ARFGEF1: variants seen among roughly 807,000 people sequenced by gnomAD.
ARFGEF1 encodes ARF guanine nucleotide exchange factor 1, also known as brefeldin A-inhibited guanine nucleotide-exchange protein 1.
In ARFGEF1, 42 loss-of-function variants were observed where a neutral mutation model predicts 231.0. That is an observed-to-expected ratio of 0.18 (90% CI 0.14 to 0.24). ARFGEF1 has a LOEUF of 0.24. Ranked by LOEUF, ARFGEF1 falls within the 10% of genes least tolerant of loss-of-function variation. The probability of loss-of-function intolerance (pLI) is 1.00; values close to 1 mark genes in which losing one functional copy is unlikely to be tolerated. For synonymous variants in ARFGEF1, 710 were observed against 732.3 expected (o/e 0.97, Z 0.49); for missense variants, 1,345 against 2,192.0 (o/e 0.61, Z 7.72).
At chr8:67,236,961 C>T (rs1418929267) in intron 22 of ARFGEF1, among the ~76,000 whole-genome samples, 2 of 152,150 alleles carry the variant, frequency 1.3e-5, no homozygotes, top group African/African-American at 4.8e-5. Flanking sequence ...TCTCGTTTGA[C>T]TAAAACTTCT....
intron 5 of ARFGEF1, among the ~76,000 whole-genome samples, chr8:67,192,319 C>T (rs1224799360): frequency 1.3e-5 from 2 of 152,208 alleles, no homozygotes; most frequent in Admixed American, 1.3e-4. Flanking sequence ...GGGTGATCCA[C>T]CTGCCTCGGC....
intron 29 of ARFGEF1, among the ~76,000 whole-genome samples, chr8:67,221,940 A>C (rs1251158592): frequency 6.6e-6 from 1 of 150,968 alleles, no homozygotes; most frequent in Non-Finnish European, 1.5e-5. Flanking sequence ...CAGCCTCCCA[A>C]GTAGCTGGGA....
Position 67,197,890 on chromosome 8 carries a change from G to A in ARFGEF1, c.*1044C>T. 1 of 985,836 alleles carries A rather than the reference G, an allele frequency of 1.0e-6. No homozygotes were observed. The highest frequency in any genetic ancestry group is 1.2e-6 in the Non-Finnish European group (1 of 829,926). 61.1% of individuals were successfully genotyped at this position (985,836 alleles called of 1,614,324 possible). The stretch of plus-strand genomic sequence containing the variant: ...ACCATCAGAGCACAATTCACAGTAT[G>A]AATACATTTCCAGTAAATCTAACCT... On this transcript the variant is annotated 3_prime_UTR_variant, in exon 39 of 39. Transcript: ENST00000262215.
chr8:67,253,593 G>A lies in ARFGEF1; in HGVS notation c.2556C>T (p.Tyr852=), dbSNP rs566607177. ...QVKNKMTKEQ[Y]IKMNRGINDS... Reference sequence around the variant, plus strand: ...CATTGATACCTCTATTCATCTTAATGTATTGTTCCTTTGTCATTTTATTTT... The same window carrying A: ...CATTGATACCTCTATTCATCTTAATATATTGTTCCTTTGTCATTTTATTTT... The change falls in exon 18 of 39, where the codon TAC becomes TAT. Residue 852 remains tyrosine (Y), a synonymous_variant. Transcript: ENST00000262215. 3 of 1,533,398 alleles carry A rather than the reference G, an allele frequency of 2.0e-6. No individual in the cohort carries two copies. The highest frequency in any genetic ancestry group is 2.3e-5 in the East Asian group (1 of 43,260). The allele number at this position is 1,533,398 out of a possible 1,614,324, so 95.0% of individuals were successfully genotyped here. A position where few individuals can be genotyped will look rare whatever the true frequency, so the allele number is the denominator to read the frequency against.
At chr8:67,211,990 G>A (rs1407020084) in intron 33 of ARFGEF1, among the ~76,000 whole-genome samples, 2 of 152,206 alleles carry the variant, frequency 1.3e-5, no homozygotes, top group Admixed American at 6.5e-5. Flanking sequence ...AAAGGTCAAT[G>A]TGAAGGTGAC....
intron 23 of ARFGEF1, among the ~76,000 whole-genome samples, chr8:67,228,893 G>A (rs1367959228): frequency 7.9e-5 from 12 of 151,952 alleles, no homozygotes; most frequent in Non-Finnish European, 1.5e-5. Context: ...AAACACATTA[G>A]TCCTCCTTTT....
In ARFGEF1 at chr8:67,267,365, C is replaced by G; in HGVS notation, c.1650G>C (p.Gln550His). 6.2e-7 allele frequency: 1 copy of G among 1,610,876 alleles called. No individual in the cohort carries two copies. Among genetic ancestry groups the G allele is most frequent in the African/African-American group, 1.3e-5 (1 of 74,912 alleles). ...SSFDHKWMVIQTLTRICADAQ... is the reference protein window; with the variant it reads ...SSFDHKWMVIHTLTRICADAQ... ...TACCTGCACAAATCCTCGTCAGTGT[C>G]TGAATAACCATCCATTTGTGATCAA... The change falls in exon 11 of 39, where the codon CAG (glutamine) becomes CAC (histidine). Residue 550 changes from glutamine (Q) to histidine (H), a missense_variant. Transcript: ENST00000262215.
At position 67,343,307 on chromosome 8, in the gene ARFGEF1, G is replaced by C; in HGVS notation, c.-20C>G. The C allele has an allele frequency of 6.2e-7, 1 of 1,611,122 alleles. No homozygotes were observed. The highest frequency in any genetic ancestry group is 2.2e-5 in the East Asian group (1 of 44,800). On this transcript the variant is annotated 5_prime_UTR_variant, in exon 1 of 39. Coordinates refer to ENST00000262215, the MANE Select transcript of ARFGEF1 (RefSeq NM_006421.5). ...ATACATGGACGCAGAGAAGGAGGCG[G>C]CGGCTCGTCCGACCCGCGGCTCCCA...
At chr8:67,238,963 A>C in intron 20 of ARFGEF1, 70 bp from the exon 21 acceptor site, 5 of 1,165,722 alleles carry the variant, frequency 4.3e-6, no homozygotes, top group Middle Eastern at 2.1e-4. Flanking sequence ...CCACCAACAA[A>C]CTCTGTTTAC....
intron 17 of ARFGEF1, among the ~76,000 whole-genome samples, chr8:67,254,976 CAAAAT>C (rs894989310): frequency 2.0e-5 from 3 of 150,662 alleles, no homozygotes; most frequent in South Asian, 4.2e-4. Flanking sequence ...CCAGGAATAA[CAAAAT>C]AAAAGACTAC....
intron 14 of ARFGEF1, among the ~76,000 whole-genome samples, chr8:67,263,554 A>G (rs1436058238): frequency 2.0e-5 from 3 of 152,086 alleles, no homozygotes; most frequent in Non-Finnish European, 4.4e-5. Context: ...CCTCCACTCT[A>G]GCCTGCCATG....
intron 34 of ARFGEF1, among the ~76,000 whole-genome samples, chr8:67,210,876 A>G (rs1182941475): frequency 6.6e-6 from 1 of 151,072 alleles, no homozygotes; most frequent in Non-Finnish European, 1.5e-5. Flanking sequence ...AACATGGTGA[A>G]ACCCTGTCTC....
chr8:67,209,942 G>A (rs1452473181), intron 34 of ARFGEF1, among the ~76,000 whole-genome samples: 1 of 151,922 alleles, frequency 6.6e-6, no homozygotes, highest in Non-Finnish European at 1.5e-5. Flanking sequence ...CACGAGGTCA[G>A]GAGATCGAGA....
At chr8:67,265,874 A>G (rs1344577351) in intron 14 of ARFGEF1, 132 bp downstream of exon 14, 18 of 787,082 alleles carry the variant, frequency 2.3e-5, no homozygotes, top group Non-Finnish European at 3.6e-5. Flanking sequence ...GCTGAATAGG[A>G]GCCTCGTGAA....
chr8:67,297,410 G>GC (rs1428209444), intron 4 of ARFGEF1, among the ~76,000 whole-genome samples: 1 of 152,070 alleles, frequency 6.6e-6, no homozygotes, highest in Non-Finnish European at 1.5e-5. Flanking sequence ...TTAGAATAAA[G>GC]CATTTAAAAT....
At chr8:67,265,861 G>T in intron 14 of ARFGEF1, 145 bp downstream of exon 14, 1 of 704,214 alleles carries the variant, frequency 1.4e-6, no homozygotes, top group Admixed American at 2.7e-5. Context: ...ATGAACAAGG[G>T]GGGCTGAATA....
Position 67,211,491 on chromosome 8 carries a change from G to A in ARFGEF1, c.4811C>T (p.Ser1604Phe). 1 of 1,573,428 alleles carries A rather than the reference G, an allele frequency of 6.4e-7. No homozygotes were observed. Among genetic ancestry groups the A allele is most frequent in the Non-Finnish European group, 8.6e-7 (1 of 1,163,714 alleles). The change falls in exon 34 of 39, where the codon TCT becomes TTT. Residue 1604 changes from serine (S) to phenylalanine (F), a missense_variant. By Grantham distance (155) the Ser-to-Phe change is radical. Transcript: ENST00000262215. ...TTAGAGAAATAACTCACTTGCTGTAGATTTAATTTTGCTGACTTCTTCATT... is the reference window on the plus strand; with the variant it reads ...TTAGAGAAATAACTCACTTGCTGTAAATTTAATTTTGCTGACTTCTTCATT... ...AVNEEVSKIK[S>F]TAKFPEQKLF...
chr8:67,267,409 C>T lies in ARFGEF1; in HGVS notation c.1606G>A (p.Glu536Lys). The change falls in exon 11 of 39, where the codon GAA becomes AAA. Residue 536 changes from glutamate (E) to lysine (K), a missense_variant. Glu to Lys is a moderately conservative substitution (Grantham distance 56). Transcript: ENST00000262215. ...FFKEIFLYIL[E>K]TSTSSFDHKW... ...TGATCAAATGAGCTGGTAGAAGTTT[C>T]CAAAATGTATAAGAAAATTTCTTTA... The T allele has an allele frequency of 6.2e-7, 1 of 1,610,944 alleles. No homozygotes were observed. Among genetic ancestry groups the T allele is most frequent in the Non-Finnish European group, 8.5e-7 (1 of 1,178,650 alleles).
At chr8:67,273,419 CAAAA>C (rs58580002) in intron 9 of ARFGEF1, among the ~76,000 whole-genome samples, 7 of 56,606 alleles carry the variant, frequency 1.2e-4, no homozygotes, top group African/African-American at 2.7e-4. Context: ...TTTTTTTTCC[CAAAA>C]AAAAAAAAAA....
Sources: allele counts gnomAD v4.1 joint callset (sites outside exome capture counted in the v4.1 genomes callset), GRCh38; gene constraint gnomAD v4.1.1; transcripts MANE v1.5; gene names NCBI Gene and HGNC (gene_info 2026-07-23, HGNC 2026-07-21).